Variants in MAP2K1 observed in about 807,000 individuals in gnomAD.
The protein encoded by MAP2K1 is mitogen-activated protein kinase kinase 1, also known as dual specificity mitogen-activated protein kinase kinase 1.
Under a neutral mutation model 46.3 loss-of-function variants are expected in MAP2K1, and 16 were observed. The observed-to-expected ratio is 0.35, with a 90% CI of 0.23 to 0.52. The LOEUF is 0.52. MAP2K1 is among the 20% of genes least tolerant of loss of function. MAP2K1 has a pLI of 0.94. For synonymous variants in MAP2K1, 183 were observed against 185.6 expected (o/e 0.99, Z 0.11); for missense variants, 263 against 497.1 (o/e 0.53, Z 4.48).
chr15:66,428,324 G>GTA (rs1239365619), intron 1 of MAP2K1, among the ~76,000 whole-genome samples: 1 of 95,406 alleles, frequency 1.0e-5, no homozygotes, highest in African/African-American at 3.9e-5. Flanking sequence ...GTGTGTGTGT[G>GTA]TATGAGAGGG....
chr15:66,477,147 G>GT (rs1288046388), intron 5 of MAP2K1, among the ~76,000 whole-genome samples: 1 of 152,234 alleles, frequency 6.6e-6, no homozygotes, highest in Admixed American at 6.5e-5. Context: ...CCTAGGCAGT[G>GT]TTTTTCCCTG....
intron 1 of MAP2K1, among the ~76,000 whole-genome samples, chr15:66,388,429 T>G (rs1371132592): frequency 6.6e-6 from 1 of 152,194 alleles, no homozygotes; most frequent in African/African-American, 2.4e-5. Context: ...GTTCTTAATC[T>G]TTTACCTGCA....
intron 5 of MAP2K1, among the ~76,000 whole-genome samples, chr15:66,475,260 G>A (rs552929474): frequency 6.6e-6 from 1 of 152,290 alleles, no homozygotes; most frequent in South Asian, 2.1e-4. Context: ...TTCATCTTTA[G>A]TGGGGAGAGT....
chr15:66,457,939 G>A (rs1365846123), intron 5 of MAP2K1, among the ~76,000 whole-genome samples: 9 of 151,164 alleles, frequency 6.0e-5, no homozygotes, highest in Non-Finnish European at 1.2e-4. Context: ...CTCCAGCCTG[G>A]GTAACAAGAG....
intron 1 of MAP2K1, among the ~76,000 whole-genome samples, chr15:66,387,895 G>T (rs1248927578): frequency 6.6e-6 from 1 of 152,200 alleles, no homozygotes; most frequent in Non-Finnish European, 1.5e-5. Context: ...CACCTGTGGG[G>T]CCTGAGTGCC....
In MAP2K1 at chr15:66,475,430, G is replaced by C. The variant is rs1252101567; in HGVS notation, c.569-6325G>C. 3.9e-4 allele frequency among the ~76,000 whole-genome samples: 59 copies of C among 152,078 alleles called. 1 individual carries two copies. The highest frequency in any genetic ancestry group is 3.9e-3 in the Admixed American group (59 of 15,248). On this transcript the variant is annotated intron_variant, in intron 5 of 10. Transcript: ENST00000307102. ...AGATGAGCAAGAATCCAGCTTCCCT[G>C]TGTCACTCTGCTTGCTTCTCAGCAG...
intron 5 of MAP2K1, among the ~76,000 whole-genome samples, chr15:66,480,764 A>G (rs1008356656): frequency 1.3e-5 from 2 of 152,104 alleles, no homozygotes; most frequent in Non-Finnish European, 2.9e-5. Context: ...ATGGTTTAGC[A>G]TGTTTCCTAG....
intron 1 of MAP2K1, among the ~76,000 whole-genome samples, chr15:66,426,271 A>T (rs1328626943): frequency 6.6e-6 from 1 of 151,986 alleles, no homozygotes; most frequent in Non-Finnish European, 1.5e-5. Flanking sequence ...GCTACAAAAA[A>T]TAAAAAATAA....
intron 1 of MAP2K1, among the ~76,000 whole-genome samples, chr15:66,415,379 C>T (rs998820403): frequency 6.6e-5 from 10 of 152,194 alleles, no homozygotes; most frequent in African/African-American, 2.4e-4. Flanking sequence ...CAAAGGCCAG[C>T]CAAATTCTTT....
intron 3 of MAP2K1, among the ~76,000 whole-genome samples, chr15:66,438,234 G>T (rs534553545): frequency 6.6e-6 from 1 of 151,252 alleles, no homozygotes; most frequent in African/African-American, 2.4e-5. Context: ...TTACAGGTGC[G>T]CACCACCACG....
At chr15:66,467,029 G>A (rs1215869910) in intron 5 of MAP2K1, among the ~76,000 whole-genome samples, 1 of 152,096 alleles carries the variant, frequency 6.6e-6, no homozygotes, top group African/African-American at 2.4e-5. Flanking sequence ...GAGGTGAGGA[G>A]TTTGAGACCA....
chr15:66,456,717 A>C (rs115552305), intron 5 of MAP2K1, among the ~76,000 whole-genome samples: 4,314 of 152,228 alleles, frequency 0.028, 191 homozygotes, highest in African/African-American at 0.098. Flanking sequence ...CACTGTGTCC[A>C]GGGGACTAGT....
rs371021779 is a variant in MAP2K1, at chr15:66,490,954, G to T, written c.*339G>T. ...CACTGCTGTTCCTGCTCCATGACTG[G>T]CTGTCTGCCTGTATTTTCGGGATTC... On this transcript the variant is annotated 3_prime_UTR_variant, in exon 11 of 11. Transcript: ENST00000307102. The T allele has an allele frequency of 6.8e-6, 3 of 441,018 alleles. No individual in the cohort carries two copies. The highest frequency in any genetic ancestry group is 4.5e-5 in the South Asian group (2 of 44,278). 27.3% of individuals were successfully genotyped at this position (441,018 alleles called of 1,614,324 possible).
At chr15:66,392,266 T>TG (rs2093358237) in intron 1 of MAP2K1, among the ~76,000 whole-genome samples, 1 of 134,108 alleles carries the variant, frequency 7.5e-6, no homozygotes. Flanking sequence ...TTTTTTTTTT[T>TG]TTTTTTTTTT....
chr15:66,438,892 G>T (rs1053094481), intron 3 of MAP2K1, among the ~76,000 whole-genome samples: 2 of 152,176 alleles, frequency 1.3e-5, no homozygotes, highest in African/African-American at 4.8e-5. Context: ...CCTGCCATAG[G>T]ACCTTTTGGC....
At chr15:66,415,505 T>C (rs374726537) in intron 1 of MAP2K1, among the ~76,000 whole-genome samples, 5 of 152,064 alleles carry the variant, frequency 3.3e-5, no homozygotes, top group East Asian at 3.9e-4. Flanking sequence ...AACTCCTCCC[T>C]CCCTCCCCCC....
chr15:66,434,600 T>C (rs2140577517), intron 1 of MAP2K1, among the ~76,000 whole-genome samples: 1 of 152,334 alleles, frequency 6.6e-6, no homozygotes, highest in Admixed American at 6.5e-5. Context: ...AGTTTAAAGT[T>C]GGTTTGATTT....
At chr15:66,401,788 G>T (rs2093382342) in intron 1 of MAP2K1, 1 of 518,064 alleles carries the variant, frequency 1.9e-6, no homozygotes, top group African/African-American at 1.9e-5. Flanking sequence ...GGTCTTGAAG[G>T]ATGGCTAGGA....
chr15:66,416,753 G>A (rs2140546593), intron 1 of MAP2K1, among the ~76,000 whole-genome samples: 1 of 152,292 alleles, frequency 6.6e-6, no homozygotes, highest in South Asian at 2.1e-4. Flanking sequence ...TGTGTGCACA[G>A]CAGATTGGAC....
Sources: allele counts gnomAD v4.1 joint callset (sites outside exome capture counted in the v4.1 genomes callset), GRCh38; gene constraint gnomAD v4.1.1; transcripts MANE v1.5; gene names NCBI Gene and HGNC (gene_info 2026-07-23, HGNC 2026-07-21).